Variants in BTN3A2 observed in about 807,000 individuals in gnomAD.
The protein encoded by BTN3A2 is butyrophilin subfamily 3 member A2.
Under a neutral mutation model 37.6 loss-of-function variants are expected in BTN3A2, and 25 were observed. The ratio of observed to expected loss-of-function variants is 0.66; its 90% CI spans 0.48 to 0.93. The LOEUF is 0.93. BTN3A2 is among the 40% of genes least tolerant of loss of function. The pLI is 0.00. For synonymous variants in BTN3A2, 122 were observed against 159.4 expected (o/e 0.77, Z 1.77); for missense variants, 266 against 410.9 (o/e 0.65, Z 3.05).
chr6:26,373,229 C>G, intron 6 of BTN3A2, 47 bp from the exon 7 acceptor site: 1 of 1,457,148 alleles, frequency 6.9e-7, no homozygotes, highest in Non-Finnish European at 9.4e-7. Flanking sequence ...TCACCCATAA[C>G]AGTTCATCTT....
At chr6:26,369,232 G>A (rs1318737224) in intron 4 of BTN3A2, among the ~76,000 whole-genome samples, 1 of 152,206 alleles carries the variant, frequency 6.6e-6, no homozygotes, top group Non-Finnish European at 1.5e-5. Flanking sequence ...TGGTTTAGTT[G>A]TGTAACAGAT....
At chr6:26,370,215 A>G in intron 4 of BTN3A2, 107 bp from the exon 5 acceptor site, 1 of 1,394,044 alleles carries the variant, frequency 7.2e-7, no homozygotes, top group Admixed American at 2.2e-5. Context: ...CAGCTCCTGA[A>G]TGAAATATCT....
rs1256470720 is a variant in BTN3A2, at chr6:26,377,289, A to G, written c.*1527A>G. 3.4e-5 allele frequency: 26 copies of G among 755,252 alleles called. No individual in the cohort carries two copies. The East Asian group carries it at 5.3e-4, about 15-fold the overall frequency. 46.8% of individuals were successfully genotyped at this position (755,252 alleles called of 1,614,324 possible). A position where few individuals can be genotyped will look rare whatever the true frequency, so the allele number is the denominator to read the frequency against. On this transcript the variant is annotated 3_prime_UTR_variant, in exon 11 of 11. Transcript: ENST00000377708. ...GTCAGAACCATAAAGCTACAGGCAC[A>G]CACTGAAGCACTTTACTGATATTCA...
Position 26,377,084 on chromosome 6 carries a change from C to T in BTN3A2, c.*1322C>T, listed in dbSNP as rs1053089637. ...TGACCTTGGAGCCCACTGCCCTGAC[C>T]GTTTGCCCAATACCAAAAGTAGAGA... On this transcript the variant is annotated 3_prime_UTR_variant, in exon 11 of 11. Coordinates refer to ENST00000377708, the MANE Select transcript of BTN3A2 (RefSeq NM_007047.5). 5.2e-6 allele frequency: 7 copies of T among 1,351,962 alleles called. No homozygotes were observed. Among genetic ancestry groups the T allele is most frequent in the Non-Finnish European group, 6.4e-6 (6 of 942,718 alleles). 83.7% of individuals were successfully genotyped at this position (1,351,962 alleles called of 1,614,324 possible).
chr6:26,365,473 CCTGT>C lies in BTN3A2; in HGVS notation c.-67+122_-67+125del, dbSNP rs1317441031. On this transcript the variant is annotated intron_variant, in intron 1 of 10. Transcript: ENST00000377708. Reference sequence around the variant, plus strand: ...CTCTCCCAGAGAAAGGGGTGCAGTGCCTGTGTGTGTGTGTGTGTGTGTGTGTGTG... The same window carrying C: ...CTCTCCCAGAGAAAGGGGTGCAGTGCGTGTGTGTGTGTGTGTGTGTGTGTG... The C allele has an allele frequency of 3.6e-5, 26 of 729,248 alleles. No homozygotes were observed. The African/African-American group carries it at 4.7e-4, about 13-fold the overall frequency. The allele number at this position is 729,248 out of a possible 1,614,324, so 45.2% of individuals were successfully genotyped here.
At chr6:26,368,312 A>G in intron 3 of BTN3A2, 45 bp downstream of exon 3, 2 of 1,599,362 alleles carry the variant, frequency 1.3e-6, no homozygotes, top group South Asian at 1.1e-5. Flanking sequence ...TCTGAAGCAG[A>G]CAATTATCTC....
chr6:26,375,331 G>C, intron 10 of BTN3A2: 1 of 348,244 alleles, frequency 2.9e-6, no homozygotes, highest in Non-Finnish European at 5.3e-6. Flanking sequence ...TCCACCCCTA[G>C]CCTGGGAGGG....
At chr6:26,365,474 CTG>C (rs55949951) in intron 1 of BTN3A2, 122 bp downstream of exon 1, 70,380 of 546,386 alleles carry the variant, frequency 0.13, 1,794 homozygotes, top group East Asian at 0.17. Flanking sequence ...GGTGCAGTGC[CTG>C]TGTGTGTGTG....
Position 26,376,748 on chromosome 6 carries a change from G to A in BTN3A2, c.*986G>A. 1.2e-6 allele frequency: 2 copies of A among 1,600,606 alleles called. No homozygotes were observed. The highest frequency in any genetic ancestry group is 2.2e-5 in the South Asian group (2 of 90,808). ...TCATGTCAGAGAGACACTACTGGGA[G>A]GTGGAAGTGGGGGACAGAAAAGAGT... On this transcript the variant is annotated 3_prime_UTR_variant, in exon 11 of 11. Coordinates refer to ENST00000377708, the MANE Select transcript of BTN3A2 (RefSeq NM_007047.5).
Position 26,377,178 on chromosome 6 carries a change from G to A in BTN3A2, c.*1416G>A, listed in dbSNP as rs1001474005. 7 of 1,242,974 alleles carry A rather than the reference G, an allele frequency of 5.6e-6. No individual in the cohort carries two copies. Among genetic ancestry groups the A allele is most frequent in the Admixed American group, 5.1e-5 (3 of 59,192 alleles). The allele number at this position is 1,242,974 out of a possible 1,614,324, so 77.0% of individuals were successfully genotyped here. ...ACCACTGACCCCAGGCTTAGCTAAT[G>A]AAAGTGGGGAGCCTCAGGCTGAAGT... is the stretch of plus-strand genomic sequence containing the variant. On this transcript the variant is annotated 3_prime_UTR_variant, in exon 11 of 11. Transcript: ENST00000377708.
chr6:26,365,443 G>T, intron 1 of BTN3A2, 91 bp downstream of exon 1: 2 of 1,439,246 alleles, frequency 1.4e-6, no homozygotes, highest in South Asian at 2.4e-5. Flanking sequence ...CATGCAGGGA[G>T]AGTACTCTCC....
At chr6:26,374,242 ACTAG>A in intron 8 of BTN3A2, 81 bp from the exon 9 acceptor site, 2 of 406,298 alleles carry the variant, frequency 4.9e-6, no homozygotes, top group East Asian at 5.8e-5. Context: ...AAAAAAAAAG[ACTAG>A]ATGGATGCAA....
intron 5 of BTN3A2, 49 bp downstream of exon 5, chr6:26,370,652 G>T: frequency 6.2e-7 from 1 of 1,606,798 alleles, no homozygotes; most frequent in Non-Finnish European, 8.5e-7. Flanking sequence ...TGTGGCAGTT[G>T]AATGAAGGGG....
intron 4 of BTN3A2, among the ~76,000 whole-genome samples, chr6:26,369,374 T>TA (rs1759865854): frequency 6.6e-6 from 1 of 152,212 alleles, no homozygotes; most frequent in Non-Finnish European, 1.5e-5. Flanking sequence ...CTGTATTTCT[T>TA]ACGTGTTGCA....
intron 5 of BTN3A2, among the ~76,000 whole-genome samples, chr6:26,371,553 T>A (rs1181756339): frequency 6.6e-6 from 1 of 152,246 alleles, no homozygotes; most frequent in Non-Finnish European, 1.5e-5. Context: ...TTGGGGGCTC[T>A]ATAGCAATAT....
intron 1 of BTN3A2, among the ~76,000 whole-genome samples, chr6:26,365,576 AG>A (rs1196658132): frequency 1.3e-5 from 2 of 151,572 alleles, no homozygotes; most frequent in Non-Finnish European, 1.5e-5. Context: ...AGACGGGAGA[AG>A]TACTGCAAAG....
chr6:26,365,233 T>C lies in BTN3A2; in HGVS notation c.-186T>C, dbSNP rs1761933913. ...GTTTCTCATGGTGAGAAGACAATAT[T>C]TGCTTTCTCTTTTTCCTTTCTTCCG... On this transcript the variant is annotated 5_prime_UTR_variant, in exon 1 of 11. Transcript: ENST00000377708. 1 of 1,393,998 alleles carries C rather than the reference T, an allele frequency of 7.2e-7. No individual in the cohort carries two copies. Among genetic ancestry groups the C allele is most frequent in the African/African-American group, 1.4e-5 (1 of 69,840 alleles). 86.4% of individuals were successfully genotyped at this position (1,393,998 alleles called of 1,614,324 possible).
chr6:26,377,544 A>AGATCT lies in BTN3A2; in HGVS notation c.*1782_*1783insGATCT. The AGATCT allele has an allele frequency of 1.9e-5, 5 of 258,596 alleles. No individual in the cohort carries two copies. Among genetic ancestry groups the AGATCT allele is most frequent in the East Asian group, 9.7e-5 (1 of 10,322 alleles). 16.0% of individuals were successfully genotyped at this position (258,596 alleles called of 1,614,324 possible). On this transcript the variant is annotated 3_prime_UTR_variant, in exon 11 of 11. Transcript: ENST00000377708. ...TGGGTGTCACTCCTTTAATCCTCAC[A>AGATCT]ACACCCTGTCAGGTAGTCTCATTTG...
At chr6:26,375,069 C>T (rs1760576805) in intron 10 of BTN3A2, 2 of 366,488 alleles carry the variant, frequency 5.5e-6, no homozygotes, top group Non-Finnish European at 4.9e-6. Context: ...CACCTACTGC[C>T]TGTATCTCCT....
Sources: allele counts gnomAD v4.1 joint callset (sites outside exome capture counted in the v4.1 genomes callset), GRCh38; gene constraint gnomAD v4.1.1; transcripts MANE v1.5; gene names NCBI Gene and HGNC (gene_info 2026-07-23, HGNC 2026-07-21).